The following ARID1B variants were observed in gnomAD, a reference collection of about 807,000 sequenced individuals.
The protein encoded by ARID1B is AT-rich interaction domain 1B.
In ARID1B, 30 loss-of-function variants were observed where a neutral mutation model predicts 212.3. The ratio of observed to expected loss-of-function variants is 0.14; its 90% CI spans 0.11 to 0.19. ARID1B has a LOEUF of 0.19. Ranked by LOEUF, ARID1B falls within the 10% of genes least tolerant of loss-of-function variation. The pLI, the probability that ARID1B is intolerant of heterozygous loss-of-function variation, is 1.00. For synonymous variants in ARID1B, 1,402 were observed against 1,301.7 expected, an observed-to-expected ratio of 1.08 and a Z score of -1.66; for missense variants, 2,891 against 3,204.0, an observed-to-expected ratio of 0.90 and a Z score of 2.36.
chr6:156,883,635 C>A (rs529189375), intron 2 of ARID1B, among the ~76,000 whole-genome samples: 1 of 152,160 alleles, frequency 6.6e-6, no homozygotes, highest in Non-Finnish European at 1.5e-5. Context: ...AGCATGATCT[C>A]ACTCTCCGAT....
intron 4 of ARID1B, among the ~76,000 whole-genome samples, chr6:157,065,311 A>G (rs893094749): frequency 3.9e-5 from 6 of 152,226 alleles, no homozygotes; most frequent in Admixed American, 3.3e-4. Context: ...AGCTGAAACT[A>G]CTTTGGCTCT....
At position 156,901,479 on chromosome 6, in the gene ARID1B, C is replaced by T. The variant is rs1296046545; in HGVS notation, c.2090C>T (p.Ala697Val). ...CAGCCCCCGCACCTCCCACCCCAGGCGCAGTATCTGCCGTCCCAGTCCCAG... is the reference window on the plus strand; with the variant it reads ...CAGCCCCCGCACCTCCCACCCCAGGTGCAGTATCTGCCGTCCCAGTCCCAG... ...QPQPPHLPPQ[A>V]QYLPSQSQQR... is the part of the protein sequence containing the mutation. Residue 697 changes from alanine to valine, a missense_variant, in exon 3 of 20, where the codon GCG (alanine) becomes GTG (valine). Coordinates refer to ENST00000636930, the MANE Select transcript of ARID1B (RefSeq NM_001374828.1). 3.7e-6 allele frequency: 6 copies of T among 1,614,014 alleles called. No homozygotes were observed. Among genetic ancestry groups the T allele is most frequent in the South Asian group, 2.2e-5 (2 of 91,080 alleles).
chr6:156,816,786 T>C (rs1781995442), intron 1 of ARID1B, among the ~76,000 whole-genome samples: 1 of 152,220 alleles, frequency 6.6e-6, no homozygotes, highest in Non-Finnish European at 1.5e-5. Context: ...TGAGGCCTGA[T>C]AGGTCGCTGG....
intron 3 of ARID1B, among the ~76,000 whole-genome samples, chr6:156,902,632 T>C (rs1007250811): frequency 6.6e-6 from 1 of 151,208 alleles, no homozygotes; most frequent in African/African-American, 2.4e-5. Flanking sequence ...AATCTTGTTT[T>C]TACATACATG....
intron 2 of ARID1B, among the ~76,000 whole-genome samples, chr6:156,859,475 T>G (rs1279439520): frequency 3.3e-5 from 5 of 152,200 alleles, no homozygotes; most frequent in Non-Finnish European, 5.9e-5. Flanking sequence ...CGCCTTCCCT[T>G]AAGAGTTGGC....
intron 4 of ARID1B, among the ~76,000 whole-genome samples, chr6:157,060,483 A>G (rs1318274050): frequency 6.6e-6 from 1 of 152,202 alleles, no homozygotes; most frequent in Non-Finnish European, 1.5e-5. Context: ...TAATTTTCCA[A>G]TATCACTTGT....
intron 4 of ARID1B, among the ~76,000 whole-genome samples, chr6:157,039,767 ACCTACCTACCTTCCTTCCTT>A (rs1781700601): frequency 1.2e-5 from 1 of 82,458 alleles, no homozygotes; most frequent in Non-Finnish European, 2.3e-5. Flanking sequence ...CTACCTTCCT[ACCTACCTACCTTCCTTCCTT>A]CCTTCCTTCT....
At chr6:156,936,647 G>A (rs1314292474) in intron 4 of ARID1B, 2 of 129,504 alleles carry the variant, frequency 1.5e-5, no homozygotes, top group South Asian at 2.5e-4. Flanking sequence ...GAAACAGAGC[G>A]AGACTCCATC....
At chr6:157,159,027 A>G (rs1477090054) in intron 8 of ARID1B, among the ~76,000 whole-genome samples, 1 of 152,064 alleles carries the variant, frequency 6.6e-6, no homozygotes, top group Admixed American at 6.5e-5. Context: ...CAAACCCCCA[A>G]AGTTCTGGAG....
Position 156,777,976 on chromosome 6 carries a change from C to T in ARID1B, c.296C>T (p.Ala99Val), listed in dbSNP as rs1326681271. 6.5e-7 allele frequency: 1 copy of T among 1,530,978 alleles called. No homozygotes were observed. Among genetic ancestry groups the T allele is most frequent in the Non-Finnish European group, 8.7e-7 (1 of 1,144,902 alleles). 94.8% of individuals were successfully genotyped at this position (1,530,978 alleles called of 1,614,324 possible). The stretch of plus-strand genomic sequence containing the variant: ...GCGGCCGCCGCCGGCACCCACAGCG[C>T]CAAGAGCGGCGGCTCCGAGGCGGCT... ...GAAAAAGTHS[A>V]KSGGSEAALK... Residue 99 changes from alanine (A) to valine (V), a missense_variant, in exon 1 of 20, where the codon GCC becomes GTC. Ala to Val is a moderately conservative substitution (Grantham distance 64). Transcript: ENST00000636930.
chr6:157,084,135 CT>C (rs57694888), intron 4 of ARID1B, among the ~76,000 whole-genome samples: 6,214 of 129,200 alleles, frequency 0.048, 298 homozygotes, highest in East Asian at 0.17. Context: ...ACTTCATCAC[CT>C]CCCCCCCAAA....
intron 1 of ARID1B, among the ~76,000 whole-genome samples, chr6:156,826,203 C>T (rs931303682): frequency 6.6e-6 from 1 of 152,204 alleles, no homozygotes; most frequent in African/African-American, 2.4e-5. Flanking sequence ...ACCCTCTTTC[C>T]TCCTGTGTCC....
At chr6:157,099,215 TG>T (rs909895214) in intron 5 of ARID1B, among the ~76,000 whole-genome samples, 2 of 152,230 alleles carry the variant, frequency 1.3e-5, no homozygotes, top group Non-Finnish European at 2.9e-5. Flanking sequence ...CCTGAAGTGC[TG>T]GGATTACAAG....
chr6:157,108,435 C>G (rs991798109), intron 5 of ARID1B, among the ~76,000 whole-genome samples: 1 of 152,178 alleles, frequency 6.6e-6, no homozygotes, highest in Non-Finnish European at 1.5e-5. Context: ...ATGAATCCAG[C>G]CTGTCATGCA....
chr6:157,135,146 T>TA (rs1397074316), intron 7 of ARID1B, among the ~76,000 whole-genome samples: 1 of 152,056 alleles, frequency 6.6e-6, no homozygotes, highest in Non-Finnish European at 1.5e-5. Flanking sequence ...TGAAGACTCT[T>TA]AATTTAAGAG....
chr6:157,176,741 G>A (rs761575106), intron 11 of ARID1B, among the ~76,000 whole-genome samples: 2 of 152,182 alleles, frequency 1.3e-5, no homozygotes, highest in African/African-American at 4.8e-5. Flanking sequence ...AGCTACTCGG[G>A]AGGCTGAGGC....
chr6:156,828,092 T>C (rs1782882273), intron 1 of ARID1B, among the ~76,000 whole-genome samples: 1 of 129,084 alleles, frequency 7.7e-6, no homozygotes, highest in African/African-American at 3.0e-5. Context: ...AGAGACAGGG[T>C]CCCACTGTGT....
chr6:156,838,362 C>T (rs1226673765), intron 2 of ARID1B, among the ~76,000 whole-genome samples: 1 of 152,102 alleles, frequency 6.6e-6, no homozygotes, highest in East Asian at 1.9e-4. Context: ...ATGGTATAAC[C>T]AGCCTCACTT....
chr6:156,829,123 C>A, intron 1 of ARID1B, 104 bp from the exon 2 acceptor site: 1 of 939,584 alleles, frequency 1.1e-6, no homozygotes, highest in Non-Finnish European at 1.6e-6. Flanking sequence ...ATTTTTAAAA[C>A]TTAAGGATAG....
Sources: allele counts gnomAD v4.1 joint callset (sites outside exome capture counted in the v4.1 genomes callset), GRCh38; gene constraint gnomAD v4.1.1; transcripts MANE v1.5; gene names NCBI Gene and HGNC (gene_info 2026-07-23, HGNC 2026-07-21).